SMC4: variants seen among roughly 807,000 people sequenced by gnomAD.
The protein encoded by SMC4 is structural maintenance of chromosomes 4, also known as structural maintenance of chromosomes protein 4.
In SMC4, 87 loss-of-function variants were observed where a neutral mutation model predicts 145.6. That is an observed-to-expected ratio of 0.60 (90% CI 0.50 to 0.71). The LOEUF (loss-of-function observed/expected upper bound fraction) is 0.71. Among genes scored for constraint, SMC4 ranks in the 30% least tolerant of loss-of-function variants. SMC4 has a pLI of 0.00. For synonymous variants in SMC4, 558 were observed against 500.7 expected (o/e 1.11, Z -1.53); for missense variants, 1,447 against 1,537.1 (o/e 0.94, Z 0.98).
At position 160,401,247 on chromosome 3, in the gene SMC4, A is replaced by G. The variant is rs145491986; in HGVS notation, c.139+282A>G. On this transcript the variant is annotated intron_variant, in intron 2 of 23. Coordinates refer to ENST00000357388, the MANE Select transcript of SMC4 (RefSeq NM_001002800.3). ...GGTACAGGTCACAAACAAAAATTCA[A>G]TATCTTTATTGTATTCCCGCTAAAA... 2.3e-4 allele frequency among the ~76,000 whole-genome samples: 35 copies of G among 152,218 alleles called. No homozygotes were observed. The East Asian group carries it at 4.5e-3, about 19-fold the overall frequency.
In SMC4 at chr3:160,433,956, C is replaced by A; in HGVS notation, c.*147C>A. The stretch of plus-strand genomic sequence containing the variant: ...TTTATGCAGTTGTCATTTGTAAAGT[C>A]TAATAAAATATTCTCTATAATTGCT... On this transcript the variant is annotated 3_prime_UTR_variant, in exon 24 of 24. Transcript: ENST00000357388. The A allele has an allele frequency of 1.9e-6, 1 of 540,452 alleles. No individual in the cohort carries two copies. Among genetic ancestry groups the A allele is most frequent in the South Asian group, 2.8e-5 (1 of 35,252 alleles). The allele number at this position is 540,452 out of a possible 1,614,324, so 33.5% of individuals were successfully genotyped here.
At chr3:160,431,974 G>A (rs1246667149) in intron 21 of SMC4, 149 bp downstream of exon 21, 19 of 789,734 alleles carry the variant, frequency 2.4e-5, no homozygotes, top group East Asian at 8.5e-5. Context: ...GGCCAAAGGC[G>A]GGTGGATCAC....
At chr3:160,429,384 C>G (rs1049933601) in intron 18 of SMC4, among the ~76,000 whole-genome samples, 81 of 152,266 alleles carry the variant, frequency 5.3e-4, no homozygotes, top group African/African-American at 1.8e-3. Flanking sequence ...TGCTGTGTTG[C>G]CCAGGTTGGA....
Position 160,417,712 on chromosome 3 carries a change from T to C in SMC4, c.1438-11T>C, listed in dbSNP as rs1716734727. The C allele has an allele frequency of 4.4e-6, 7 of 1,597,618 alleles. No homozygotes were observed. Among genetic ancestry groups the C allele is most frequent in the South Asian group, 1.1e-5 (1 of 90,682 alleles). On this transcript the variant is annotated splice_polypyrimidine_tract_variant and intron_variant, in intron 10 of 23. Transcript: ENST00000357388. ...TATCTGTCCAGATTTAATGAACTCA[T>C]ATTTTAACAGAGTCGAGAGAAAGAA... is the stretch of plus-strand genomic sequence containing the variant.
At chr3:160,400,762 G>A in intron 1 of SMC4, 60 bp from the exon 2 acceptor site, 1 of 1,417,100 alleles carries the variant, frequency 7.1e-7, no homozygotes, top group Non-Finnish European at 9.1e-7. Context: ...TCCCCGGGTG[G>A]GGCGGGCGCG....
At chr3:160,418,256 A>T (rs887864187) in intron 11 of SMC4, among the ~76,000 whole-genome samples, 1 of 152,226 alleles carries the variant, frequency 6.6e-6, no homozygotes, top group African/African-American at 2.4e-5. Context: ...CAATTTAAAG[A>T]TAAATAAAAA....
At chr3:160,430,179 T>TAAGGAGGTGATAAGGGAG (rs1553775890) in intron 18 of SMC4, among the ~76,000 whole-genome samples, 2 of 151,460 alleles carry the variant, frequency 1.3e-5, no homozygotes, top group East Asian at 3.9e-4. Context: ...TGCTCAGAGA[T>TAAGGAGGTGATAAGGGAG]AAGGAGGTAA....
chr3:160,403,044 T>C (rs1411978904), intron 4 of SMC4, among the ~76,000 whole-genome samples, 177 bp downstream of exon 4: 1 of 152,298 alleles, frequency 6.6e-6, no homozygotes, highest in South Asian at 2.1e-4. Flanking sequence ...AAAATACTTA[T>C]TTTTTAGCTA....
At chr3:160,420,933 G>T (rs764399162) in intron 13 of SMC4, 32 bp downstream of exon 13, 3 of 1,560,976 alleles carry the variant, frequency 1.9e-6, no homozygotes, top group East Asian at 2.3e-5. Flanking sequence ...CCTATAATTG[G>T]AATTTTTTTT....
chr3:160,400,981 C>G lies in SMC4; in HGVS notation c.139+16C>G, dbSNP rs1714551804. On this transcript the variant is annotated intron_variant, in intron 2 of 23. Transcript: ENST00000357388. ...ACCGCCGCAGGTGAGTGACCCGCCGCGACTCGGCGGGAACGCGCGCTGTGG... is the reference window on the plus strand; with the variant it reads ...ACCGCCGCAGGTGAGTGACCCGCCGGGACTCGGCGGGAACGCGCGCTGTGG... 1 of 1,384,014 alleles carries G rather than the reference C, an allele frequency of 7.2e-7. No individual in the cohort carries two copies. Among genetic ancestry groups the G allele is most frequent in the Non-Finnish European group, 9.3e-7 (1 of 1,080,794 alleles). The allele number at this position is 1,384,014 out of a possible 1,614,324, so 85.7% of individuals were successfully genotyped here.
intron 19 of SMC4, 38 bp downstream of exon 19, chr3:160,430,781 T>C: frequency 6.3e-7 from 1 of 1,576,742 alleles, no homozygotes; most frequent in Non-Finnish European, 8.6e-7. Flanking sequence ...GATGGGATGA[T>C]ACTGGAACCA....
At position 160,433,920 on chromosome 3, in the gene SMC4, C is replaced by CTGG. The variant is rs773583005; in HGVS notation, c.*113_*115dup. The CTGG allele has an allele frequency of 8.4e-5, 63 of 751,528 alleles. No homozygotes were observed. Among genetic ancestry groups the CTGG allele is most frequent in the Non-Finnish European group, 1.3e-4 (62 of 471,992 alleles). The allele number at this position is 751,528 out of a possible 1,614,324, so 46.6% of individuals were successfully genotyped here. On this transcript the variant is annotated 3_prime_UTR_variant, in exon 24 of 24. Coordinates refer to ENST00000357388, the MANE Select transcript of SMC4 (RefSeq NM_001002800.3). ...ATACTCCCTAAACTAGATCATGAAA[C>CTGG]TGGTTTCTGTTTTATGCAGTTGTCA...
intron 17 of SMC4, among the ~76,000 whole-genome samples, chr3:160,427,742 TA>T (rs1394392928): frequency 6.6e-6 from 1 of 152,306 alleles, no homozygotes; most frequent in South Asian, 2.1e-4. Flanking sequence ...TATTTTTAAA[TA>T]AAGGCTACAG....
intron 16 of SMC4, 132 bp from the exon 17 acceptor site, chr3:160,425,942 A>G (rs1717744519): frequency 4.7e-6 from 3 of 639,480 alleles, no homozygotes; most frequent in Admixed American, 3.2e-5. Flanking sequence ...TTTTATATCA[A>G]TGGCACATAT....
rs776451185 is a variant in SMC4, at chr3:160,424,869, A to G, written c.2328A>G (p.Val776=). The G allele has an allele frequency of 8.1e-6, 13 of 1,613,544 alleles. No homozygotes were observed. The South Asian group carries it at 1.3e-4, about 16-fold the overall frequency. ...CTTAGAGAAAACTTTCTTTGTAGGT[A>G]AACAAAATGGAATCACAGTTGCAAA... The part of the protein sequence containing the change: ...SLVIEISEEE[V]NKMESQLQND... Residue 776 remains valine, a splice_region_variant and synonymous_variant, in exon 16 of 24, where the codon GTA becomes GTG. Coordinates refer to ENST00000357388, the MANE Select transcript of SMC4 (RefSeq NM_001002800.3).
chr3:160,402,552 G>A (rs1346006259), intron 3 of SMC4, 124 bp from the exon 4 acceptor site: 1 of 955,422 alleles, frequency 1.0e-6, no homozygotes, highest in African/African-American at 1.7e-5. Flanking sequence ...TTAGCAATGA[G>A]AACTTTTAAA....
rs938043610 is a variant in SMC4, at chr3:160,425,538, T to C, written c.2478+519T>C. Among the ~76,000 whole-genome samples, 2 of 152,218 alleles carry C rather than the reference T, an allele frequency of 1.3e-5. 1 individual carries two copies. The highest frequency in any genetic ancestry group is 2.9e-5 in the Non-Finnish European group (2 of 68,024). ...TAGCTTTTCTTAAATTATGGTTTTCTTTCCAAGGCAGTATAAATGTACTTT... is the reference window on the plus strand; with the variant it reads ...TAGCTTTTCTTAAATTATGGTTTTCCTTCCAAGGCAGTATAAATGTACTTT... On this transcript the variant is annotated intron_variant, in intron 16 of 23. Coordinates refer to ENST00000357388, the MANE Select transcript of SMC4 (RefSeq NM_001002800.3).
At position 160,419,499 on chromosome 3, in the gene SMC4, C is replaced by G; in HGVS notation, c.1813C>G (p.Gln605Glu). The G allele has an allele frequency of 6.3e-7, 1 of 1,588,314 alleles. No homozygotes were observed. Among genetic ancestry groups the G allele is most frequent in the South Asian group, 1.2e-5 (1 of 85,764 alleles). The change falls in exon 12 of 24, where the codon CAA becomes GAA. Residue 605 changes from glutamine to glutamate, a missense_variant. Physicochemically the swap from Gln to Glu is conservative, Grantham distance 29 (BLOSUM62 2). Coordinates refer to ENST00000357388, the MANE Select transcript of SMC4 (RefSeq NM_001002800.3). Reference sequence around the variant, plus strand: ...GGGGAAAGTCCTTGATGCAATAATTCAAGAAAAAAAATCTGGCAGGATTCC... The same window carrying G: ...GGGGAAAGTCCTTGATGCAATAATTGAAGAAAAAAAATCTGGCAGGATTCC... ...SRGKVLDAII[Q>E]EKKSGRIPGI...
intron 9 of SMC4, among the ~76,000 whole-genome samples, chr3:160,415,318 C>G (rs1051021026): frequency 6.6e-6 from 1 of 152,196 alleles, no homozygotes; most frequent in Non-Finnish European, 1.5e-5. Context: ...GAATAGTGAT[C>G]AAGCCACTGC....
Sources: gnomAD v4.1 joint callset for allele counts (sites outside exome capture counted in the v4.1 genomes callset) on GRCh38, gnomAD v4.1.1 for gene constraint, MANE v1.5 for transcripts, NCBI Gene and HGNC (gene_info 2026-07-23, HGNC 2026-07-21) for gene names.